The following TAFA1 variants were observed in gnomAD, a reference collection of about 807,000 sequenced individuals.
TAFA1 encodes chemokine-like protein TAFA-1.
A neutral mutation model predicts 18.5 loss-of-function variants in TAFA1; 4 were observed. That is an observed-to-expected ratio of 0.22 (90% CI 0.11 to 0.49). The LOEUF is 0.49. Ranked by LOEUF, TAFA1 falls within the 20% of genes least tolerant of loss-of-function variation. TAFA1 has a pLI of 0.98. For missense variants in TAFA1, 147 were observed against 169.0 expected, an observed-to-expected ratio of 0.87 and a Z score of 0.72; for synonymous variants, 56 against 55.2, an observed-to-expected ratio of 1.01 and a Z score of -0.06.
At chr3:68,407,936 G>T (rs1444062939) in intron 2 of TAFA1, among the ~76,000 whole-genome samples, 1 of 152,074 alleles carries the variant, frequency 6.6e-6, no homozygotes, top group Non-Finnish European at 1.5e-5. Context: ...ATCCATTAGT[G>T]TCTCTCTTGT....
intron 2 of TAFA1, among the ~76,000 whole-genome samples, chr3:68,376,522 G>A (rs111672684): frequency 0.024 from 3,649 of 151,988 alleles, 66 homozygotes; most frequent in East Asian, 0.093. Context: ...TTTTCTGTTC[G>A]TACGTTAGTT....
chr3:68,104,325 C>A (rs1277559955), intron 2 of TAFA1, among the ~76,000 whole-genome samples: 1 of 151,824 alleles, frequency 6.6e-6, no homozygotes, highest in East Asian at 1.9e-4. Context: ...ATTATCTTTT[C>A]AAGTGTATGA....
intron 3 of TAFA1, among the ~76,000 whole-genome samples, chr3:68,530,175 C>T (rs1463897080): frequency 6.6e-6 from 1 of 152,140 alleles, no homozygotes; most frequent in Non-Finnish European, 1.5e-5. Context: ...TCTACTGAAA[C>T]AGTAGAAAGG....
chr3:68,070,819 T>G (rs541236105), intron 2 of TAFA1, among the ~76,000 whole-genome samples: 1 of 152,362 alleles, frequency 6.6e-6, no homozygotes, highest in South Asian at 2.1e-4. Flanking sequence ...CACCAGTCTC[T>G]TTGCTAAAAT....
At chr3:68,363,366 C>T (rs190749906) in intron 2 of TAFA1, among the ~76,000 whole-genome samples, 1 of 152,128 alleles carries the variant, frequency 6.6e-6, no homozygotes, top group Non-Finnish European at 1.5e-5. Context: ...TGTGCTAGGA[C>T]CTGTGCTAAA....
chr3:68,264,376 A>G (rs965796113), intron 2 of TAFA1, among the ~76,000 whole-genome samples: 9 of 152,216 alleles, frequency 5.9e-5, no homozygotes, highest in Admixed American at 2.0e-4. Context: ...GGAACTGTCA[A>G]CATACATCCC....
chr3:68,430,037 CAA>C (rs1411857202), intron 3 of TAFA1, among the ~76,000 whole-genome samples: 1 of 151,900 alleles, frequency 6.6e-6, no homozygotes, highest in African/African-American at 2.4e-5. Flanking sequence ...TAATGCTGAA[CAA>C]AGACAGCCCC....
intron 3 of TAFA1, among the ~76,000 whole-genome samples, chr3:68,463,109 T>G (rs370787979): frequency 6.6e-6 from 1 of 152,154 alleles, no homozygotes; most frequent in Non-Finnish European, 1.5e-5. Flanking sequence ...TTATTATAAT[T>G]TTAGCTGAAA....
At chr3:68,292,978 A>T (rs1374421505) in intron 2 of TAFA1, among the ~76,000 whole-genome samples, 1 of 152,154 alleles carries the variant, frequency 6.6e-6, no homozygotes, top group Non-Finnish European at 1.5e-5. Flanking sequence ...TTCTCTCATG[A>T]ATTCTCAAAA....
At chr3:68,065,657 G>T (rs973612884) in intron 2 of TAFA1, among the ~76,000 whole-genome samples, 1 of 151,676 alleles carries the variant, frequency 6.6e-6, no homozygotes, top group African/African-American at 2.4e-5. Context: ...ATTTGTATAT[G>T]TGTGTATATA....
At chr3:68,403,060 A>G (rs973478304) in intron 2 of TAFA1, among the ~76,000 whole-genome samples, 2 of 152,206 alleles carry the variant, frequency 1.3e-5, no homozygotes, top group African/African-American at 4.8e-5. Context: ...ATAGATTTAG[A>G]TACACAAGTA....
intron 2 of TAFA1, among the ~76,000 whole-genome samples, chr3:68,164,199 T>C (rs1163807399): frequency 6.6e-6 from 1 of 152,216 alleles, no homozygotes; most frequent in Non-Finnish European, 1.5e-5. Context: ...TCTTCCCAGG[T>C]TCCTAATTTG....
chr3:68,268,510 A>G (rs1400940058), intron 2 of TAFA1, among the ~76,000 whole-genome samples: 1 of 151,932 alleles, frequency 6.6e-6, no homozygotes, highest in Non-Finnish European at 1.5e-5. Flanking sequence ...CCTCTTTTTG[A>G]TGGGTATTAT....
At chr3:68,430,836 T>C (rs4855474) in intron 3 of TAFA1, among the ~76,000 whole-genome samples, 112,453 of 151,792 alleles carry the variant, frequency 0.74, 41,693 homozygotes, top group African/African-American at 0.79. Context: ...CAAACAAAAC[T>C]TTTGGATGGA....
chr3:68,287,292 C>G (rs1310235224), intron 2 of TAFA1, among the ~76,000 whole-genome samples: 1 of 152,178 alleles, frequency 6.6e-6, no homozygotes, highest in South Asian at 2.1e-4. Context: ...ACATGAGGAA[C>G]TGGCTGCTCT....
rs187270187 is a variant in TAFA1, at chr3:68,283,222, C to G, written c.119-134058C>G. 1.6e-3 allele frequency among the ~76,000 whole-genome samples: 241 copies of G among 152,272 alleles called. 1 individual carries two copies. The highest frequency in any genetic ancestry group is 5.6e-3 in the African/African-American group (232 of 41,556). ...GGCCATTCTGCTATACTTCCTCACC[C>G]TAGAGGTTTGATAACTATGTTAAAA... On this transcript the variant is annotated intron_variant, in intron 2 of 4. Coordinates refer to ENST00000478136, the MANE Select transcript of TAFA1 (RefSeq NM_213609.4).
Position 68,185,419 on chromosome 3 carries a change from T to C in TAFA1, c.118+178675T>C, listed in dbSNP as rs115429701. ...GAACCTCAAGGATGGTATAAGGCTG[T>C]GTTTTCCAGTCTTTGGTATTTTCAT... On this transcript the variant is annotated intron_variant, in intron 2 of 4. Transcript: ENST00000478136. Among the ~76,000 whole-genome samples, 1,443 of 152,248 alleles carry C rather than the reference T, an allele frequency of 9.5e-3. 28 individuals are homozygous for C. Among genetic ancestry groups the C allele is most frequent in the African/African-American group, 0.033 (1,389 of 41,554 alleles).
At chr3:68,038,668 T>TAA (rs113213274) in intron 2 of TAFA1, among the ~76,000 whole-genome samples, 67 of 145,410 alleles carry the variant, frequency 4.6e-4, no homozygotes, top group African/African-American at 1.6e-3. Flanking sequence ...AAGCTATTGT[T>TAA]AAAAAAAAAA....
At chr3:68,252,954 ACT>A (rs773598314) in intron 2 of TAFA1, among the ~76,000 whole-genome samples, 6 of 151,846 alleles carry the variant, frequency 4.0e-5, no homozygotes, top group Non-Finnish European at 8.8e-5. Context: ...CCCTGCACAA[ACT>A]CTCTTGCCAG....
Sources: gnomAD v4.1 joint callset for allele counts (sites outside exome capture counted in the v4.1 genomes callset) on GRCh38, gnomAD v4.1.1 for gene constraint, MANE v1.5 for transcripts, NCBI Gene and HGNC (gene_info 2026-07-23, HGNC 2026-07-21) for gene names.